CUL4A: variants seen among roughly 807,000 people sequenced by gnomAD.
The protein encoded by CUL4A is cullin 4A, also known as cullin-4A.
In CUL4A, 16 loss-of-function variants were observed where a neutral mutation model predicts 95.5. That is an observed-to-expected ratio of 0.17 (90% CI 0.11 to 0.25). The LOEUF (loss-of-function observed/expected upper bound fraction) is 0.25. CUL4A is among the 10% of genes least tolerant of loss of function. The pLI is 1.00. For synonymous variants in CUL4A, 380 were observed against 353.1 expected, an observed-to-expected ratio of 1.08 and a Z score of -0.85; for missense variants, 610 against 937.0, an observed-to-expected ratio of 0.65 and a Z score of 4.56.
chr13:113,250,834 G>A (rs192039629), intron 15 of CUL4A, among the ~76,000 whole-genome samples: 4 of 152,218 alleles, frequency 2.6e-5, no homozygotes, highest in South Asian at 2.1e-4. Flanking sequence ...AAATGAAATC[G>A]ATGATATCGT....
chr13:113,244,024 G>A (rs1011898056), intron 11 of CUL4A, among the ~76,000 whole-genome samples: 1 of 143,704 alleles, frequency 7.0e-6, no homozygotes, highest in Non-Finnish European at 1.6e-5. Context: ...CTCTGAGAAA[G>A]TCTTTCTCTT....
chr13:113,209,534 A>C (rs2040255622), upstream of CUL4A: 3 of 668,374 alleles, frequency 4.5e-6, no homozygotes, highest in East Asian at 1.7e-4. Context: ...GCGCGCGAGG[A>C]GGACGGGGCG....
rs554950102 is a variant in CUL4A at position 113,245,106 on chromosome 13, G to A, written c.1445-46G>A. On this transcript the variant is annotated intron_variant, in intron 13 of 19. Transcript: ENST00000375440. ...TCCTCCCCTGTAACTGAGGGTTGCT[G>A]CCCCGTGTGTTACCCCGATCTCACT... The A allele has an allele frequency of 5.0e-6, 8 of 1,609,846 alleles. No homozygotes were observed. In the South Asian group the frequency reaches 8.8e-5, roughly 18 times the overall value.
chr13:113,231,354 A>G lies in CUL4A; in HGVS notation c.513-1823A>G, dbSNP rs577645797. Reference sequence around the variant, plus strand: ...AGGTGGTCAGGCAGCTAAGAAAGAAAGAGTAGAAGGAAGCAGTAAGTTCAA... The same window carrying G: ...AGGTGGTCAGGCAGCTAAGAAAGAAGGAGTAGAAGGAAGCAGTAAGTTCAA... On this transcript the variant is annotated intron_variant, in intron 5 of 19. Transcript: ENST00000375440. Among the ~76,000 whole-genome samples the G allele has an allele frequency of 2.7e-4, 41 of 152,180 alleles. 1 individual carries two copies. Among genetic ancestry groups the G allele is most frequent in the Non-Finnish European group, 5.0e-4 (34 of 68,034 alleles).
chr13:113,233,384 A>ACTTGCAAC, intron 6 of CUL4A, 45 bp downstream of exon 6: 1 of 1,538,696 alleles, frequency 6.5e-7, no homozygotes, highest in Non-Finnish European at 8.9e-7. Context: ...CTGCCCAGCT[A>ACTTGCAAC]CTTGCACCAG....
chr13:113,224,595 T>G (rs1211080693), intron 3 of CUL4A, among the ~76,000 whole-genome samples: 1 of 152,242 alleles, frequency 6.6e-6, no homozygotes, highest in Non-Finnish European at 1.5e-5. Flanking sequence ...TAAGTGTGCC[T>G]TTATGATCCG....
chr13:113,221,386 A>G (rs1248858741), intron 3 of CUL4A, among the ~76,000 whole-genome samples: 1 of 152,170 alleles, frequency 6.6e-6, no homozygotes, highest in Non-Finnish European at 1.5e-5. Context: ...ACAGCCTTCC[A>G]TTGGGTCGGC....
At position 113,233,005 on chromosome 13, in the gene CUL4A, C is replaced by T. The variant is rs912433253; in HGVS notation, c.513-172C>T. 212 of 665,978 alleles carry T rather than the reference C, an allele frequency of 3.2e-4. 3 individuals are homozygous for T. The highest frequency in any genetic ancestry group is 1.8e-4 in the Non-Finnish European group (75 of 406,866). 41.3% of individuals were successfully genotyped at this position (665,978 alleles called of 1,614,324 possible). On this transcript the variant is annotated intron_variant, in intron 5 of 19. Coordinates refer to ENST00000375440, the MANE Select transcript of CUL4A (RefSeq NM_001008895.4). ...TGTTTAAGGAAGGAAATACAAGGCG[C>T]GCTAGACTGGCTGAGAAACAGAAGT...
At chr13:113,235,538 C>T (rs2041509678) in intron 8 of CUL4A, among the ~76,000 whole-genome samples, 1 of 151,760 alleles carries the variant, frequency 6.6e-6, no homozygotes, top group Admixed American at 6.6e-5. Context: ...TGTTTTTTTC[C>T]TGCAAACCTG....
At position 113,239,473 on chromosome 13, in the gene CUL4A, C is replaced by G. The variant is rs764012815; in HGVS notation, c.957C>G (p.Leu319=). The part of the protein sequence containing the change: ...HLLDENRVPD[L]AQMYQLFSRV... ...TGGATGAGAACAGAGTGCCGGACCT[C>G]GCACAGATGTACCAGCTGTTCAGCC... is the stretch of plus-strand genomic sequence containing the variant. Residue 319 remains leucine (L), a synonymous_variant, in exon 10 of 20, where the codon CTC becomes CTG. Transcript: ENST00000375440. 15 of 1,613,874 alleles carry G rather than the reference C, an allele frequency of 9.3e-6. No individual in the cohort carries two copies.
Position 113,262,826 on chromosome 13 carries a change from ATACGTGCCCTTG to A in CUL4A, c.2185-660_2185-649del, listed in dbSNP as rs1566378879. 110 of 150,660 alleles carry A rather than the reference ATACGTGCCCTTG, an allele frequency of 7.3e-4. 5 individuals are homozygous for A. Among genetic ancestry groups the A allele is most frequent in the African/African-American group, 2.5e-3 (102 of 40,914 alleles). 9.3% of individuals were successfully genotyped at this position (150,660 alleles called of 1,614,324 possible). On this transcript the variant is annotated intron_variant, in intron 19 of 19. Transcript: ENST00000375440. Reference sequence around the variant, plus strand: ...GGCAGATGTCGGATCTGCCTCGCTTATACGTGCCCTTGCTGATGGCAGATGTCGGATCTGCCT... The same window carrying A: ...GGCAGATGTCGGATCTGCCTCGCTTACTGATGGCAGATGTCGGATCTGCCT...
intron 3 of CUL4A, among the ~76,000 whole-genome samples, chr13:113,224,395 C>T (rs1402394234): frequency 6.6e-6 from 1 of 152,144 alleles, no homozygotes; most frequent in African/African-American, 2.4e-5. Flanking sequence ...AGAATCTAAC[C>T]TGTAGATAAC....
intron 12 of CUL4A, 95 bp downstream of exon 12, chr13:113,244,609 A>G: frequency 4.8e-6 from 4 of 828,112 alleles, no homozygotes; most frequent in Non-Finnish European, 8.0e-6. Context: ...TGTCAGTATC[A>G]GTAGAGCCAG....
At chr13:113,232,179 C>T (rs779059363) in intron 5 of CUL4A, among the ~76,000 whole-genome samples, 218 of 9,514 alleles carry the variant, frequency 0.023, 52 homozygotes, top group African/African-American at 0.048. Flanking sequence ...CGCCCACCAC[C>T]ATTACTGCTG....
At position 113,236,812 on chromosome 13, in the gene CUL4A, A is replaced by G; in HGVS notation, c.849-11A>G. On this transcript the variant is annotated splice_polypyrimidine_tract_variant and intron_variant, in intron 8 of 19. Transcript: ENST00000375440. The stretch of plus-strand genomic sequence containing the variant: ...TTTACTTCTAACGCTTATTCTTTTT[A>G]CCTTATATAGGAAACCACTGATTGC... 1 of 1,586,716 alleles carries G rather than the reference A, an allele frequency of 6.3e-7. No individual in the cohort carries two copies. Among genetic ancestry groups the G allele is most frequent in the Non-Finnish European group, 8.6e-7 (1 of 1,159,512 alleles).
chr13:113,239,264 A>G (rs2041635617), intron 9 of CUL4A, among the ~76,000 whole-genome samples, 169 bp from the exon 10 acceptor site: 1 of 152,260 alleles, frequency 6.6e-6, no homozygotes, highest in African/African-American at 2.4e-5. Context: ...AATAGGATCC[A>G]TCTCACATAT....
intron 3 of CUL4A, among the ~76,000 whole-genome samples, chr13:113,225,962 A>T (rs1034980394): frequency 5.3e-5 from 8 of 152,178 alleles, no homozygotes; most frequent in Non-Finnish European, 1.0e-4. Flanking sequence ...AATTCTGCAA[A>T]GCCTCAAGAA....
At chr13:113,229,673 G>T in intron 5 of CUL4A, 154 bp downstream of exon 5, 2 of 642,716 alleles carry the variant, frequency 3.1e-6, no homozygotes, top group South Asian at 3.8e-5. Context: ...TAGGAGTCCA[G>T]GTGGGTCTTA....
At chr13:113,259,709 G>T (rs2042219476) in intron 18 of CUL4A, among the ~76,000 whole-genome samples, 1 of 152,142 alleles carries the variant, frequency 6.6e-6, no homozygotes, top group African/African-American at 2.4e-5. Context: ...TGGTCATTAT[G>T]TTTTGTTTAC....
Sources: gnomAD v4.1 joint callset for allele counts (sites outside exome capture counted in the v4.1 genomes callset) on GRCh38, gnomAD v4.1.1 for gene constraint, MANE v1.5 for transcripts, NCBI Gene and HGNC (gene_info 2026-07-23, HGNC 2026-07-21) for gene names.